The following GABPB2 variants were observed in gnomAD, a reference collection of about 807,000 sequenced individuals.
The protein encoded by GABPB2 is GA-binding protein subunit beta-2.
In GABPB2, 23 loss-of-function variants were observed where a neutral mutation model predicts 39.1. The ratio of observed to expected loss-of-function variants is 0.59; its 90% confidence interval spans 0.42 to 0.83. The LOEUF (loss-of-function observed/expected upper bound fraction) is 0.83, where lower values mean the gene tolerates loss of function less well. Ranked by LOEUF, GABPB2 falls within the 40% of genes least tolerant of loss-of-function variation. GABPB2 has a pLI of 0.00. For synonymous variants in GABPB2, 184 were observed against 199.3 expected (o/e 0.92, Z 0.65); for missense variants, 467 against 541.1 (o/e 0.86, Z 1.36).
chr1:151,071,699 T>A (rs1265527414), intron 1 of GABPB2, among the ~76,000 whole-genome samples: 1 of 152,212 alleles, frequency 6.6e-6, no homozygotes, highest in Non-Finnish European at 1.5e-5. Flanking sequence ...CTCGAACTCC[T>A]GACCTTAGGG....
chr1:151,118,151 A>G lies in GABPB2; in HGVS notation c.1242A>G (p.Val414=), dbSNP rs747987378. The change falls in exon 9 of 9, where the codon GTA becomes GTG. Residue 414 remains valine, a synonymous_variant. Transcript: ENST00000368918. ...MVEEVAEVDA[V]VVTEGELEER... is the part of the protein sequence containing the mutation. The stretch of plus-strand genomic sequence containing the variant: ...AAGAGGTGGCTGAGGTAGATGCTGT[A>G]GTAGTCACAGAGGGGGAGTTGGAAG... 4.3e-6 allele frequency: 7 copies of G among 1,614,060 alleles called. No homozygotes were observed. In the South Asian group the frequency reaches 5.5e-5, roughly 13 times the overall value.
intron 1 of GABPB2, among the ~76,000 whole-genome samples, chr1:151,075,313 C>G (rs1455183749): frequency 3.3e-5 from 5 of 151,388 alleles, no homozygotes; most frequent in Non-Finnish European, 7.4e-5. Context: ...GCCTGTAATC[C>G]CAGCACTTTG....
chr1:151,104,814 C>CTTTCTTTCTTTCTTTCCTTT (rs1402126253), intron 6 of GABPB2, among the ~76,000 whole-genome samples: 2 of 36,256 alleles, frequency 5.5e-5, no homozygotes, highest in African/African-American at 1.2e-4. Context: ...TTCTTTCTTT[C>CTTTCTTTCTTTCTTTCCTTT]CTTTCTTTCT....
intron 7 of GABPB2, among the ~76,000 whole-genome samples, chr1:151,108,025 A>G (rs1460998045): frequency 1.3e-5 from 2 of 152,192 alleles, no homozygotes; most frequent in Admixed American, 1.3e-4. Context: ...ACATACCATT[A>G]TAACACTATG....
At chr1:151,078,148 T>TA (rs1446809621) in intron 1 of GABPB2, among the ~76,000 whole-genome samples, 4 of 150,852 alleles carry the variant, frequency 2.7e-5, no homozygotes, top group African/African-American at 9.8e-5. Flanking sequence ...CACGAGCCTG[T>TA]AGTCCGAGCT....
intron 5 of GABPB2, 48 bp downstream of exon 5, chr1:151,098,050 G>C (rs904840787): frequency 1.4e-5 from 22 of 1,558,586 alleles, no homozygotes; most frequent in Admixed American, 6.9e-5. Flanking sequence ...AAAAAGAACA[G>C]AACCCTAGAT....
rs180923735 is a variant in GABPB2 at position 151,100,893 on chromosome 1, T to C, written c.623-2669T>C. On this transcript the variant is annotated intron_variant, in intron 5 of 8. Transcript: ENST00000368918. The stretch of plus-strand genomic sequence containing the variant: ...ATGAGCCACCGTGCCTGGCCCTGAC[T>C]TCTTGAAAGAAGAAAAACTGGAAAG... 2.1e-3 allele frequency among the ~76,000 whole-genome samples: 325 copies of C among 151,916 alleles called. 2 individuals carry two copies. Among genetic ancestry groups the C allele is most frequent in the Middle Eastern group, 6.8e-3 (2 of 294 alleles).
In GABPB2 at chr1:151,118,187, A is replaced by T; in HGVS notation, c.1278A>T (p.Thr426=). The T allele has an allele frequency of 1.9e-6, 3 of 1,614,184 alleles. No homozygotes were observed. The highest frequency in any genetic ancestry group is 2.5e-6 in the Non-Finnish European group (3 of 1,180,038). The change falls in exon 9 of 9, where the codon ACA becomes ACT. Residue 426 remains threonine (T), a synonymous_variant. Coordinates refer to ENST00000368918, the MANE Select transcript of GABPB2 (RefSeq NM_144618.3). ...AGGGGGAGTTGGAAGAGAGAGAGAC[A>T]AAAGTGACTGGGTCAGCAGGGACCA... ...VTEGELEERE[T]KVTGSAGTTE...
In GABPB2 at chr1:151,109,088, G is replaced by C. The variant is rs1341648293; in HGVS notation, c.922+1866G>C. Among the ~76,000 whole-genome samples, 7 of 152,000 alleles carry C rather than the reference G, an allele frequency of 4.6e-5. No homozygotes were observed. In the East Asian group the frequency reaches 1.2e-3, roughly 25 times the overall value. Reference sequence around the variant, plus strand: ...TGCTTATAGTCCCAACTACTCAGGAGGTTTTGGCAGGAGGATCAGTTGAGC... The same window carrying C: ...TGCTTATAGTCCCAACTACTCAGGACGTTTTGGCAGGAGGATCAGTTGAGC... On this transcript the variant is annotated intron_variant, in intron 7 of 8. Coordinates refer to ENST00000368918, the MANE Select transcript of GABPB2 (RefSeq NM_144618.3).
At chr1:151,097,027 T>C (rs915566120) in intron 4 of GABPB2, among the ~76,000 whole-genome samples, 42 of 152,118 alleles carry the variant, frequency 2.8e-4, no homozygotes, top group African/African-American at 9.7e-4. Context: ...TTCTCCTGCC[T>C]CAGCCTCCCG....
chr1:151,087,663 A>G (rs761863259), intron 1 of GABPB2, among the ~76,000 whole-genome samples: 48 of 152,090 alleles, frequency 3.2e-4, no homozygotes, highest in Non-Finnish European at 4.0e-4. Flanking sequence ...AAAGAGAGTT[A>G]CAGTTTTATT....
At chr1:151,080,225 A>AC (rs1256555024) in intron 1 of GABPB2, among the ~76,000 whole-genome samples, 41 of 141,386 alleles carry the variant, frequency 2.9e-4, no homozygotes, top group Non-Finnish European at 4.9e-4. Context: ...CAAAAAAAAA[A>AC]AAAAAAAAAA....
intron 7 of GABPB2, among the ~76,000 whole-genome samples, chr1:151,114,385 A>G (rs892319052): frequency 6.6e-6 from 1 of 152,050 alleles, no homozygotes; most frequent in East Asian, 1.9e-4. Flanking sequence ...TATGAACACC[A>G]TAATTGTTTA....
intron 1 of GABPB2, among the ~76,000 whole-genome samples, chr1:151,087,880 T>C (rs1183300446): frequency 6.6e-6 from 1 of 152,178 alleles, no homozygotes; most frequent in African/African-American, 2.4e-5. Flanking sequence ...TGTACCCTTC[T>C]TCATTTCAGG....
chr1:151,107,069 G>T lies in GABPB2; in HGVS notation c.769G>T (p.Val257Phe). Reference protein sequence around the residue: ...NTEEIIEGNSVDSSIQQVMGS... With the variant: ...NTEEIIEGNSFDSSIQQVMGS... ...AGAGGAAATTATAGAAGGAAATTCC[G>T]TTGACTCATCAATCCAGCAAGTAAT... The change falls in exon 7 of 9, where the codon GTT becomes TTT. Residue 257 changes from valine to phenylalanine, a missense_variant. By Grantham distance (50) the Val-to-Phe change is conservative. Coordinates refer to ENST00000368918, the MANE Select transcript of GABPB2 (RefSeq NM_144618.3). 2 of 1,608,224 alleles carry T rather than the reference G, an allele frequency of 1.2e-6. No individual in the cohort carries two copies. The highest frequency in any genetic ancestry group is 1.7e-6 in the Non-Finnish European group (2 of 1,178,156).
chr1:151,113,265 G>A (rs1423375766), intron 7 of GABPB2, among the ~76,000 whole-genome samples: 2 of 151,608 alleles, frequency 1.3e-5, no homozygotes, highest in Non-Finnish European at 1.5e-5. Flanking sequence ...TCAGGAGATC[G>A]AGACCATCCT....
intron 1 of GABPB2, among the ~76,000 whole-genome samples, chr1:151,079,367 C>T (rs772748131): frequency 7.3e-5 from 11 of 151,346 alleles, no homozygotes; most frequent in Non-Finnish European, 1.6e-4. Context: ...CCTGGTGAAA[C>T]ACTGCCTCTA....
chr1:151,088,872 C>T (rs778492837), intron 2 of GABPB2, among the ~76,000 whole-genome samples: 10 of 152,166 alleles, frequency 6.6e-5, no homozygotes, highest in Non-Finnish European at 1.2e-4. Flanking sequence ...TGGTGGCGCA[C>T]GCCTGTAATC....
At chr1:151,116,416 A>AG (rs1367945081) in intron 7 of GABPB2, among the ~76,000 whole-genome samples, 1 of 151,440 alleles carries the variant, frequency 6.6e-6, no homozygotes, top group Admixed American at 6.6e-5. Context: ...AAAAAAAAAA[A>AG]ACAACTTTTA....
Sources: allele counts gnomAD v4.1 joint callset (sites outside exome capture counted in the v4.1 genomes callset), GRCh38; gene constraint gnomAD v4.1.1; transcripts MANE v1.5; gene names NCBI Gene and HGNC (gene_info 2026-07-23, HGNC 2026-07-21).